Variants in NRG1 observed in about 807,000 individuals in gnomAD.
NRG1 encodes the protein pro-neuregulin-1, membrane-bound isoform.
In NRG1, 18 loss-of-function variants were observed where a neutral mutation model predicts 63.8. That is an observed-to-expected ratio of 0.28 (90% CI 0.19 to 0.42). NRG1 has a LOEUF of 0.42. Among genes scored for constraint, NRG1 ranks in the 10% least tolerant of loss-of-function variants. The pLI, the probability that NRG1 is intolerant of heterozygous loss-of-function variation, is 1.00. For synonymous variants in NRG1, 302 were observed against 301.3 expected, an observed-to-expected ratio of 1.00 and a Z score of -0.02; for missense variants, 762 against 814.7, an observed-to-expected ratio of 0.94 and a Z score of 0.79.
rs1158508289 is a variant in NRG1 at position 31,796,414 on chromosome 8, C to CTTTTTTT, written c.37+157013_37+157019dup. On this transcript the variant is annotated intron_variant, in intron 1 of 10. Transcript: ENST00000519301. ...ATAACCAAATAAGATGGCGTATAAT[C>CTTTTTTT]TTTTTTTTTTTTTTTTTTTTTTTTT... 1.6e-4 allele frequency among the ~76,000 whole-genome samples: 7 copies of CTTTTTTT among 43,376 alleles called. 1 individual carries two copies. The highest frequency in any genetic ancestry group is 8.6e-4 in the Admixed American group (2 of 2,330). 28.5% of individuals were successfully genotyped at this position (43,376 alleles called of 152,430 possible). A position where few individuals can be genotyped will look rare whatever the true frequency, so the allele number is the denominator to read the frequency against.
intron 1 of NRG1, among the ~76,000 whole-genome samples, chr8:32,530,608 T>C (rs569401987): frequency 2.5e-4 from 38 of 152,358 alleles, no homozygotes; most frequent in Middle Eastern, 3.4e-3. Context: ...TTTCCATTCC[T>C]TTCTCTTTCC....
intron 1 of NRG1, among the ~76,000 whole-genome samples, chr8:31,708,020 A>G (rs1024175598): frequency 6.6e-6 from 1 of 151,918 alleles, no homozygotes; most frequent in East Asian, 1.9e-4. Flanking sequence ...GTCATAAAGC[A>G]TGATAATGGT....
At chr8:32,579,522 G>T (rs1282751863) in intron 1 of NRG1, among the ~76,000 whole-genome samples, 3 of 152,154 alleles carry the variant, frequency 2.0e-5, no homozygotes, top group African/African-American at 7.2e-5. Context: ...CAGCTTCTGT[G>T]ATCCCTTTGG....
At chr8:32,102,878 T>C (rs928335679) in intron 1 of NRG1, among the ~76,000 whole-genome samples, 2 of 152,160 alleles carry the variant, frequency 1.3e-5, no homozygotes, top group Non-Finnish European at 2.9e-5. Flanking sequence ...GGTGGCTTTC[T>C]AAGTTTTTTT....
intron 1 of NRG1, among the ~76,000 whole-genome samples, chr8:32,409,428 G>C (rs1814572654): frequency 6.6e-6 from 1 of 152,138 alleles, no homozygotes. Context: ...AAACTAAAAG[G>C]CTTTGGCACA....
intron 1 of NRG1, among the ~76,000 whole-genome samples, chr8:32,484,299 C>T (rs1825667158): frequency 6.6e-6 from 1 of 152,086 alleles, no homozygotes; most frequent in Non-Finnish European, 1.5e-5. Context: ...TTTATGCTGT[C>T]AGTGGGCAGA....
chr8:32,511,144 T>C (rs1272173239), intron 1 of NRG1, among the ~76,000 whole-genome samples: 9 of 150,798 alleles, frequency 6.0e-5, no homozygotes. Context: ...CTATTTTACC[T>C]CCTGGACCAG....
intron 9 of NRG1, among the ~76,000 whole-genome samples, chr8:32,758,678 A>G (rs1278989516): frequency 1.3e-5 from 2 of 151,900 alleles, no homozygotes; most frequent in African/African-American, 2.4e-5. Flanking sequence ...TCCTCCATAT[A>G]TTATGTGCTT....
At chr8:32,506,872 C>A (rs1337930174) in intron 1 of NRG1, among the ~76,000 whole-genome samples, 1 of 151,734 alleles carries the variant, frequency 6.6e-6, no homozygotes, top group Non-Finnish European at 1.5e-5. Flanking sequence ...AGAGTGAGAC[C>A]CTGCCTCTAA....
intron 1 of NRG1, among the ~76,000 whole-genome samples, chr8:32,173,237 A>G (rs1278543836): frequency 3.3e-5 from 5 of 152,146 alleles, no homozygotes. Flanking sequence ...ATCCAGCCAA[A>G]CTAAGCTTCA....
intron 1 of NRG1, among the ~76,000 whole-genome samples, chr8:32,184,830 A>G (rs191754232): frequency 6.6e-6 from 1 of 152,266 alleles, no homozygotes; most frequent in African/African-American, 2.4e-5. Context: ...TGGCAGTGAG[A>G]CTTACTTGCA....
At chr8:32,172,683 C>T (rs1053444564) in intron 1 of NRG1, among the ~76,000 whole-genome samples, 6 of 152,212 alleles carry the variant, frequency 3.9e-5, no homozygotes, top group African/African-American at 7.2e-5. Context: ...ACGAGAACTA[C>T]GTGATGAATG....
At chr8:32,440,204 C>T (rs992346397) in intron 1 of NRG1, among the ~76,000 whole-genome samples, 3 of 152,108 alleles carry the variant, frequency 2.0e-5, no homozygotes, top group Non-Finnish European at 4.4e-5. Context: ...GGGAAGTCTG[C>T]CCCCATCATT....
chr8:32,334,373 A>T (rs1803007002), intron 1 of NRG1, among the ~76,000 whole-genome samples: 1 of 152,202 alleles, frequency 6.6e-6, no homozygotes, highest in African/African-American at 2.4e-5. Context: ...TCCAGAGGCC[A>T]CTTCCACGGG....
At chr8:32,485,322 T>C (rs543568265) in intron 1 of NRG1, among the ~76,000 whole-genome samples, 1 of 152,010 alleles carries the variant, frequency 6.6e-6, no homozygotes, top group African/African-American at 2.4e-5. Flanking sequence ...GTCAGGCTGG[T>C]CTCCAACTCC....
intron 1 of NRG1, among the ~76,000 whole-genome samples, chr8:31,982,378 A>G (rs542700435): frequency 1.3e-5 from 2 of 152,220 alleles, no homozygotes; most frequent in South Asian, 2.1e-4. Flanking sequence ...TGGGAAGACC[A>G]TTTGAAGGCT....
chr8:32,533,991 T>A lies in NRG1; in HGVS notation c.38-61837T>A, dbSNP rs191026251. Reference sequence around the variant, plus strand: ...TCTAGACATTTCTATAAGAAATGTATGGAAATAGAACTGTAATTTTGGCAG... The same window carrying A: ...TCTAGACATTTCTATAAGAAATGTAAGGAAATAGAACTGTAATTTTGGCAG... On this transcript the variant is annotated intron_variant, in intron 1 of 10. Coordinates refer to the NRG1 transcript ENST00000519301. Among the ~76,000 whole-genome samples, 315 of 152,212 alleles carry A rather than the reference T, an allele frequency of 2.1e-3. 3 individuals are homozygous for A. The highest frequency in any genetic ancestry group is 2.4e-3 in the Non-Finnish European group (160 of 67,948).
intron 1 of NRG1, among the ~76,000 whole-genome samples, chr8:32,422,265 C>T (rs1252740707): frequency 1.3e-5 from 2 of 152,162 alleles, no homozygotes; most frequent in Non-Finnish European, 2.9e-5. Context: ...CCTATCCACA[C>T]ATATGTATAT....
At position 32,587,345 on chromosome 8, in the gene NRG1, C is replaced by G. The variant is rs905189799; in HGVS notation, c.101-8483C>G. ...CTAGCAAGGAACATGACCAGGGTCT[C>G]GGCTGAGGCAGGGTCCAGTTTGAGA... On this transcript the variant is annotated intron_variant, in intron 1 of 11. Transcript: ENST00000356819. 2.6e-5 allele frequency among the ~76,000 whole-genome samples: 4 copies of G among 152,210 alleles called. No homozygotes were observed. The South Asian group carries it at 8.3e-4, about 32-fold the overall frequency.
Sources: gnomAD v4.1 joint callset for allele counts (sites outside exome capture counted in the v4.1 genomes callset) on GRCh38, gnomAD v4.1.1 for gene constraint, MANE v1.5 for transcripts, NCBI Gene and HGNC (gene_info 2026-07-23, HGNC 2026-07-21) for gene names.